RBFOX1: variants seen among roughly 807,000 people sequenced by gnomAD.
RBFOX1 encodes the protein RNA binding protein fox-1 homolog 1.
RBFOX1 carries 8 observed loss-of-function variants against 57.7 expected under a neutral mutation model. The observed-to-expected ratio is 0.14, with a 90% CI of 0.08 to 0.25. The LOEUF (loss-of-function observed/expected upper bound fraction) is 0.25. RBFOX1 is among the 10% of genes least tolerant of loss of function. The pLI, the probability that RBFOX1 is intolerant of heterozygous loss-of-function variation, is 1.00. For missense variants in RBFOX1, 611 were observed against 548.5 expected (o/e 1.11, Z -1.14); for synonymous variants, 326 against 222.4 (o/e 1.47, Z -4.15).
intron 1 of RBFOX1, among the ~76,000 whole-genome samples, chr16:6,281,138 T>C (rs1385819837): frequency 6.6e-6 from 1 of 151,836 alleles, no homozygotes; most frequent in Non-Finnish European, 1.5e-5. Flanking sequence ...CTAACATGTA[T>C]TGAGCAGATG....
At chr16:7,587,178 T>G in intron 6 of RBFOX1, 69 bp from the exon 7 acceptor site, 1 of 1,349,696 alleles carries the variant, frequency 7.4e-7, no homozygotes, top group Non-Finnish European at 9.6e-7. Flanking sequence ...GGGAAACAAT[T>G]ACTACTGTAC....
At chr16:5,493,853 T>C (rs1281482662) in intron 2 of RBFOX1, among the ~76,000 whole-genome samples, 1 of 152,206 alleles carries the variant, frequency 6.6e-6, no homozygotes, top group Non-Finnish European at 1.5e-5. Flanking sequence ...AGGGAAGGTG[T>C]TTCTGCAACG....
chr16:6,480,706 G>T (rs55677064), intron 2 of RBFOX1, among the ~76,000 whole-genome samples: 3 of 152,072 alleles, frequency 2.0e-5, no homozygotes, highest in Non-Finnish European at 2.9e-5. Context: ...CAGAAATGGT[G>T]TCATAAGTGT....
intron 4 of RBFOX1, among the ~76,000 whole-genome samples, chr16:5,869,084 G>C (rs887468503): frequency 6.6e-6 from 1 of 152,194 alleles, no homozygotes; most frequent in Non-Finnish European, 1.5e-5. Context: ...ATGAGGTATA[G>C]AGTTGGAATT....
intron 3 of RBFOX1, among the ~76,000 whole-genome samples, chr16:6,819,040 A>G (rs1013967699): frequency 1.3e-5 from 2 of 152,206 alleles, no homozygotes; most frequent in African/African-American, 4.8e-5. Context: ...TGGACTATCA[A>G]CGGCATTGTA....
chr16:6,392,900 G>A (rs1357888275), intron 2 of RBFOX1, among the ~76,000 whole-genome samples: 2 of 152,204 alleles, frequency 1.3e-5, no homozygotes, highest in African/African-American at 4.8e-5. Flanking sequence ...ACCAGATGAA[G>A]GATAAACCAT....
intron 2 of RBFOX1, among the ~76,000 whole-genome samples, chr16:6,411,401 C>G (rs966312825): frequency 2.0e-5 from 3 of 152,164 alleles, no homozygotes; most frequent in Non-Finnish European, 4.4e-5. Flanking sequence ...TTGTGTATTC[C>G]CGATGAACAC....
intron 2 of RBFOX1, among the ~76,000 whole-genome samples, chr16:6,408,477 C>G (rs942785889): frequency 2.6e-5 from 4 of 152,120 alleles, no homozygotes; most frequent in Non-Finnish European, 5.9e-5. Context: ...GTGCTCAGCT[C>G]ATCTTTGACC....
intron 1 of RBFOX1, among the ~76,000 whole-genome samples, chr16:5,448,196 A>G (rs1202049115): frequency 1.3e-5 from 2 of 152,170 alleles, no homozygotes; most frequent in Admixed American, 6.5e-5. Flanking sequence ...CGCATCTTCA[A>G]CTGTGAGGGA....
intron 2 of RBFOX1, among the ~76,000 whole-genome samples, chr16:6,396,087 A>AAAC: frequency 6.6e-6 from 1 of 150,794 alleles, no homozygotes; most frequent in South Asian, 2.1e-4. Context: ...AAAAAAAAAA[A>AAAC]GGACAACTAA....
At chr16:7,593,903 CCT>C (rs1299685379) in intron 7 of RBFOX1, among the ~76,000 whole-genome samples, 3 of 152,152 alleles carry the variant, frequency 2.0e-5, no homozygotes, top group African/African-American at 7.2e-5. Context: ...ATCCACATCC[CCT>C]GTCTTCTGTG....
chr16:5,524,958 C>T (rs1227470167), intron 2 of RBFOX1, among the ~76,000 whole-genome samples: 1 of 152,170 alleles, frequency 6.6e-6, no homozygotes, highest in Non-Finnish European at 1.5e-5. Flanking sequence ...GGGTGCATTT[C>T]TAATAAGCAC....
chr16:6,476,356 A>AG (rs2095271866), intron 2 of RBFOX1, among the ~76,000 whole-genome samples: 1 of 152,196 alleles, frequency 6.6e-6, no homozygotes, highest in South Asian at 2.1e-4. Flanking sequence ...ATAGATGTAC[A>AG]GGCACACCTT....
chr16:5,751,682 A>C (rs529234572), intron 3 of RBFOX1, among the ~76,000 whole-genome samples: 2 of 152,244 alleles, frequency 1.3e-5, no homozygotes, highest in Non-Finnish European at 2.9e-5. Flanking sequence ...GTGGTCCAGG[A>C]GAATGGAAAA....
intron 12 of RBFOX1, among the ~76,000 whole-genome samples, chr16:7,655,347 C>T (rs566144316): frequency 6.6e-6 from 1 of 152,174 alleles, no homozygotes; most frequent in African/African-American, 2.4e-5. Flanking sequence ...CTTTGAGCTT[C>T]TTGGACAAAA....
intron 3 of RBFOX1, among the ~76,000 whole-genome samples, chr16:6,971,847 T>C (rs576901733): frequency 1.3e-5 from 2 of 152,056 alleles, no homozygotes; most frequent in Non-Finnish European, 2.9e-5. Flanking sequence ...AAGTGTCTGA[T>C]GGAAGAGTCT....
chr16:5,760,243 C>T (rs1230331932), intron 3 of RBFOX1, among the ~76,000 whole-genome samples: 1 of 152,092 alleles, frequency 6.6e-6, no homozygotes, highest in East Asian at 1.9e-4. Context: ...CCCAGGCAAA[C>T]AGAGACAGTT....
At chr16:6,925,698 A>G (rs1346348096) in intron 3 of RBFOX1, among the ~76,000 whole-genome samples, 2 of 152,018 alleles carry the variant, frequency 1.3e-5, no homozygotes, top group Admixed American at 6.6e-5. Flanking sequence ...TTGAGCAAGT[A>G]TTTGGTAGTA....
chr16:5,880,683 C>G (rs997277169), intron 4 of RBFOX1, among the ~76,000 whole-genome samples: 1 of 152,112 alleles, frequency 6.6e-6, no homozygotes, highest in African/African-American at 2.4e-5. Context: ...CCTGCAGATC[C>G]TAGACTGAGG....
Sources: gnomAD v4.1 joint callset for allele counts (sites outside exome capture counted in the v4.1 genomes callset) on GRCh38, gnomAD v4.1.1 for gene constraint, MANE v1.5 for transcripts, NCBI Gene and HGNC (gene_info 2026-07-23, HGNC 2026-07-21) for gene names.